MEGF6: variants seen among roughly 807,000 people sequenced by gnomAD.
The protein encoded by MEGF6 is multiple EGF like domains 6, also known as multiple epidermal growth factor-like domains protein 6.
A neutral mutation model predicts 207.1 loss-of-function variants in MEGF6; 184 were observed. The observed-to-expected ratio is 0.89, with a 90% CI of 0.79 to 1.00. The LOEUF is 1.00. Ranked by LOEUF, MEGF6 falls within the 50% of genes least tolerant of loss-of-function variation. The probability of loss-of-function intolerance (pLI) is 0.00; values close to 1 mark genes in which losing one functional copy is unlikely to be tolerated. For missense variants in MEGF6, 2,282 were observed against 2,202.9 expected, an observed-to-expected ratio of 1.04 and a Z score of -0.72; for synonymous variants, 1,038 against 910.0, an observed-to-expected ratio of 1.14 and a Z score of -2.53.
At position 3,494,709 on chromosome 1, in the gene MEGF6, C is replaced by A. The variant is rs751963200; in HGVS notation, c.3904G>T (p.Glu1302Ter). Reference protein sequence around the residue: ...CPQNRFGVGCEHTCSCRNGGL... With the variant: ...CPQNRFGVGC ...CCATTTCTGCAGGAGCAGGTGTGCT[C>A]GCAGCCCACGCCAAACCGGTTCTGG... The change falls in exon 31 of 37, where the codon GAG becomes TAG. Residue 1302 changes from glutamate (E) to a stop codon, truncating the protein, a stop_gained. Transcript: ENST00000356575. LOFTEE classifies it high-confidence loss of function. The A allele has an allele frequency of 3.8e-6, 6 of 1,587,522 alleles. No individual in the cohort carries two copies. The highest frequency in any genetic ancestry group is 1.3e-5 in the African/African-American group (1 of 74,412).
chr1:3,496,941 G>A lies in MEGF6; in HGVS notation c.3613+47C>T, dbSNP rs146951923. 757 of 1,538,548 alleles carry A rather than the reference G, an allele frequency of 4.9e-4. 1 individual carries two copies. The African/African-American group carries it at 8.8e-3, about 18-fold the overall frequency. On this transcript the variant is annotated intron_variant, in intron 28 of 36. Transcript: ENST00000356575. ...GACCAGGGGAACTGGGGCCCAGCACGCCAGGCAGCACTGCCGAGTCCCTGG... is the reference window on the plus strand; with the variant it reads ...GACCAGGGGAACTGGGGCCCAGCACACCAGGCAGCACTGCCGAGTCCCTGG...
upstream of MEGF6, among the ~76,000 whole-genome samples, chr1:3,615,790 C>A (rs1459854258): frequency 6.6e-6 from 1 of 152,208 alleles, no homozygotes; most frequent in Non-Finnish European, 1.5e-5. Flanking sequence ...CCTGCTTCTC[C>A]CCTCTTTATC....
At position 3,570,691 on chromosome 1, in the gene MEGF6, T is replaced by G. The variant is rs549862677; in HGVS notation, c.481+9134A>C. On this transcript the variant is annotated intron_variant, in intron 4 of 36. Coordinates refer to ENST00000356575, the MANE Select transcript of MEGF6 (RefSeq NM_001409.4). The stretch of plus-strand genomic sequence containing the variant: ...CCACATGGGCCTGGGAATGTGAGGA[T>G]AGGAGGCTGCCCCTGCCCTGCCCCT... 9.9e-5 allele frequency among the ~76,000 whole-genome samples: 15 copies of G among 151,928 alleles called. No homozygotes were observed. The East Asian group carries it at 2.7e-3, about 28-fold the overall frequency.
At chr1:3,553,162 CCCCCCACTGA>C (rs2101600518) in intron 4 of MEGF6, among the ~76,000 whole-genome samples, 1 of 151,714 alleles carries the variant, frequency 6.6e-6, no homozygotes, top group Admixed American at 6.6e-5. Context: ...ACAAGCCCCG[CCCCCCACTGA>C]CCCCCCAAAT....
At chr1:3,570,294 G>C (rs915944437) in intron 4 of MEGF6, among the ~76,000 whole-genome samples, 20 of 152,342 alleles carry the variant, frequency 1.3e-4, no homozygotes, top group African/African-American at 4.3e-4. Flanking sequence ...CCAAAGTCAA[G>C]CACCTGCCCT....
chr1:3,608,507 T>G (rs562928526), intron 1 of MEGF6, among the ~76,000 whole-genome samples: 2 of 152,136 alleles, frequency 1.3e-5, no homozygotes, highest in East Asian at 3.9e-4. Context: ...AAGATTGGAC[T>G]TGAGCTTGCA....
At position 3,494,385 on chromosome 1, in the gene MEGF6, T is replaced by C; in HGVS notation, c.4115A>G (p.Gln1372Arg). The stretch of plus-strand genomic sequence containing the variant: ...CCCCAACTCACGGTGCTCGCAGGCC[T>C]GGCCATAGAAGCCGGGGCCGCAGCG... Reference protein sequence around the residue: ...TCRCGPGFYGQACEHPCPPGF... With the variant: ...TCRCGPGFYGRACEHPCPPGF... Residue 1372 changes from glutamine to arginine, a missense_variant, in exon 32 of 37, where the codon CAG becomes CGG. Transcript: ENST00000356575. 1 of 1,546,688 alleles carries C rather than the reference T, an allele frequency of 6.5e-7. No homozygotes were observed. The highest frequency in any genetic ancestry group is 2.4e-5 in the East Asian group (1 of 41,232).
At chr1:3,595,578 C>T in intron 2 of MEGF6, 131 bp from the exon 3 acceptor site, 1 of 726,492 alleles carries the variant, frequency 1.4e-6, no homozygotes, top group East Asian at 2.8e-5. Flanking sequence ...CACCAAGGTT[C>T]CTGGGTGGGG....
chr1:3,530,161 C>A (rs539183997), intron 4 of MEGF6, among the ~76,000 whole-genome samples: 35 of 152,354 alleles, frequency 2.3e-4, no homozygotes, highest in African/African-American at 8.2e-4. Context: ...AGCCGGAAGG[C>A]TGCCTACCCA....
intron 4 of MEGF6, among the ~76,000 whole-genome samples, chr1:3,526,667 G>A (rs761000033): frequency 6.6e-6 from 1 of 152,050 alleles, no homozygotes; most frequent in Admixed American, 6.5e-5. Context: ...CCAAAGTGCC[G>A]AGATTACAGG....
rs1643027889 is a variant in MEGF6, at chr1:3,556,239, G to A, written c.481+23586C>T. 6.6e-6 allele frequency among the ~76,000 whole-genome samples: 1 copy of A among 152,252 alleles called. No individual in the cohort carries two copies. The highest frequency in any genetic ancestry group is 1.5e-5 in the Non-Finnish European group (1 of 68,044). The stretch of plus-strand genomic sequence containing the variant: ...ATTTCCCAGGATGGGGAGTGGGGCA[G>A]GGTCCCCATACATAACCTAGAGCTC... On this transcript the variant is annotated intron_variant, in intron 4 of 36. Transcript: ENST00000356575. This position sits in a 1 kb window ranked among gnomAD's most constrained non-coding sequence, Gnocchi z 4.4.
the MEGF6 span, among the ~76,000 whole-genome samples, chr1:3,618,649 T>A: frequency 1.3e-5 from 2 of 152,182 alleles, no homozygotes; most frequent in Non-Finnish European, 2.9e-5. The surrounding 1 kb of genome is among the most constrained non-coding windows in gnomAD (Gnocchi z 4.7). Flanking sequence ...TTGCTTCTGC[T>A]TCTGTCATGA....
intron 4 of MEGF6, among the ~76,000 whole-genome samples, chr1:3,570,836 A>AGGAGGCTGCGCAGGAGGC (rs1643473676): frequency 6.6e-6 from 1 of 152,046 alleles, no homozygotes; most frequent in African/African-American, 2.4e-5. Context: ...GAGGCTAGTC[A>AGGAGGCTGCGCAGGAGGC]TCCTCCCCAT....
At position 3,490,517 on chromosome 1, in the gene MEGF6, G is replaced by A. The variant is rs1640307133; in HGVS notation, c.*11C>T. ...GGGACTGGAGAGGCGGGCTCCACGGGACTGCCTCTACTAGTGCCTCGCTGG... is the reference window on the plus strand; with the variant it reads ...GGGACTGGAGAGGCGGGCTCCACGGAACTGCCTCTACTAGTGCCTCGCTGG... On this transcript the variant is annotated 3_prime_UTR_variant, in exon 37 of 37. Coordinates refer to ENST00000356575, the MANE Select transcript of MEGF6 (RefSeq NM_001409.4). 2 of 1,612,348 alleles carry A rather than the reference G, an allele frequency of 1.2e-6. No individual in the cohort carries two copies. The highest frequency in any genetic ancestry group is 1.3e-5 in the African/African-American group (1 of 74,944).
intron 4 of MEGF6, among the ~76,000 whole-genome samples, chr1:3,577,707 C>T (rs1360927578): frequency 6.6e-6 from 1 of 152,206 alleles, no homozygotes; most frequent in East Asian, 1.9e-4. Context: ...AGCCAAGAGG[C>T]TGGTGGGGCG....
intron 6 of MEGF6, 43 bp from the exon 7 acceptor site, chr1:3,514,715 C>T: frequency 6.6e-7 from 1 of 1,517,998 alleles, no homozygotes; most frequent in Non-Finnish European, 8.8e-7. Context: ...AGAGGGGACC[C>T]CAGTGGCTGC....
At chr1:3,498,991 G>A in intron 24 of MEGF6, 147 bp downstream of exon 24, 5 of 1,397,480 alleles carry the variant, frequency 3.6e-6, no homozygotes, top group Non-Finnish European at 4.8e-6. Context: ...CCTGCCTGGA[G>A]AGGGGCACAG....
chr1:3,619,657 CTG>C, the MEGF6 span, among the ~76,000 whole-genome samples: 21 of 150,128 alleles, frequency 1.4e-4, no homozygotes, highest in East Asian at 3.9e-3. Context: ...TCCGCCATGA[CTG>C]TAAGTTTCCT....
chr1:3,594,239 G>A lies in MEGF6; in HGVS notation c.376+1099C>T, dbSNP rs1212566543. 2.0e-5 allele frequency among the ~76,000 whole-genome samples: 3 copies of A among 152,144 alleles called. No homozygotes were observed. On this transcript the variant is annotated intron_variant, in intron 3 of 36. Coordinates refer to ENST00000356575, the MANE Select transcript of MEGF6 (RefSeq NM_001409.4). This position sits in a 1 kb window ranked among gnomAD's most constrained non-coding sequence, Gnocchi z 4.2. ...AGCCTAGGAGCTCAAGACCAGCCTG[G>A]GCAACATGGTGAGACCCTGTCTCTA... is the stretch of plus-strand genomic sequence containing the variant.
Sources: allele counts gnomAD v4.1 joint callset (sites outside exome capture counted in the v4.1 genomes callset), GRCh38; gene constraint gnomAD v4.1.1; non-coding constraint Gnocchi (gnomAD v3.1); transcripts MANE v1.5; gene names NCBI Gene and HGNC (gene_info 2026-07-23, HGNC 2026-07-21).